The following KCTD18 variants were observed in gnomAD, a reference collection of about 807,000 sequenced individuals.
The protein encoded by KCTD18 is BTB/POZ domain-containing protein KCTD18.
In KCTD18, 22 loss-of-function variants were observed where a neutral mutation model predicts 30.4. The observed-to-expected ratio is 0.72, with a 90% confidence interval of 0.52 to 1.03. The LOEUF is 1.03. Among genes scored for constraint, KCTD18 ranks in the 50% least tolerant of loss-of-function variants. The pLI is 0.00. For missense variants in KCTD18, 529 were observed against 547.6 expected, an observed-to-expected ratio of 0.97 and a Z score of 0.34; for synonymous variants, 186 against 209.0, an observed-to-expected ratio of 0.89 and a Z score of 0.95.
rs2087874070 is a variant in KCTD18 at position 200,489,644 on chromosome 2, T to C, written c.*456A>G. On this transcript the variant is annotated 3_prime_UTR_variant, in exon 7 of 7. Coordinates refer to ENST00000359878, the MANE Select transcript of KCTD18 (RefSeq NM_152387.4). Reference sequence around the variant, plus strand: ...AGGCAGCTCGCCTTGATCTACATTTTCTCTCTCTAATCTCTCTTGGCTGTG... The same window carrying C: ...AGGCAGCTCGCCTTGATCTACATTTCCTCTCTCTAATCTCTCTTGGCTGTG... 1 of 154,306 alleles carries C rather than the reference T, an allele frequency of 6.5e-6. No individual in the cohort carries two copies. Among genetic ancestry groups the C allele is most frequent in the African/African-American group, 2.4e-5 (1 of 41,544 alleles). The allele number at this position is 154,306 out of a possible 1,614,324, so 9.6% of individuals were successfully genotyped here. A position where few individuals can be genotyped will look rare whatever the true frequency, so the allele number is the denominator to read the frequency against.
chr2:200,495,875 G>C (rs578049553), intron 5 of KCTD18: 1 of 150,886 alleles, frequency 6.6e-6, no homozygotes, highest in Non-Finnish European at 1.5e-5. Context: ...TTTTTGTTTT[G>C]TTTTGTGTTT....
At chr2:200,490,705 A>G in intron 6 of KCTD18, 89 bp from the exon 7 acceptor site, 2 of 1,413,166 alleles carry the variant, frequency 1.4e-6, no homozygotes, top group South Asian at 1.4e-5. Context: ...GCATTAACAG[A>G]AAGGTTTTGG....
intron 5 of KCTD18, among the ~76,000 whole-genome samples, chr2:200,495,712 ATT>A (rs879806658): frequency 1.4e-5 from 2 of 147,186 alleles, no homozygotes; most frequent in Non-Finnish European, 1.5e-5. Flanking sequence ...GAACCTTGTA[ATT>A]TTTTTTTTTG....
chr2:200,489,440 C>A lies in KCTD18; in HGVS notation c.*660G>T, dbSNP rs2106273524. 1 of 152,254 alleles carries A rather than the reference C, an allele frequency of 6.6e-6. No individual in the cohort carries two copies. The highest frequency in any genetic ancestry group is 2.1e-4 in the South Asian group (1 of 4,814). 9.4% of individuals were successfully genotyped at this position (152,254 alleles called of 1,614,324 possible). On this transcript the variant is annotated 3_prime_UTR_variant, in exon 7 of 7. Coordinates refer to ENST00000359878, the MANE Select transcript of KCTD18 (RefSeq NM_152387.4). ...TTCAAAGATATTATATAATTCTGAT[C>A]CCAAGAGATCTTCTTGTGGTGTTTA...
rs1476741019 is a variant in KCTD18, at chr2:200,507,089, C to T, written c.-73G>A. ...TTCAAAACAATGATGTCTTGGTCTC[C>T]CTCTGTAAAACAAAGGACAGTCATC... On this transcript the variant is annotated splice_region_variant and 5_prime_UTR_variant, in exon 2 of 7. Transcript: ENST00000359878. 4 of 1,284,008 alleles carry T rather than the reference C, an allele frequency of 3.1e-6. No individual in the cohort carries two copies. The highest frequency in any genetic ancestry group is 4.3e-6 in the Non-Finnish European group (4 of 924,176). The allele number at this position is 1,284,008 out of a possible 1,614,324, so 79.5% of individuals were successfully genotyped here. A position where few individuals can be genotyped will look rare whatever the true frequency, so the allele number is the denominator to read the frequency against.
Position 200,504,920 on chromosome 2 carries a change from T to C in KCTD18, c.200A>G (p.Tyr67Cys), listed in dbSNP as rs149993731. The C allele has an allele frequency of 5.5e-5, 89 of 1,614,144 alleles. No individual in the cohort carries two copies. The highest frequency in any genetic ancestry group is 4.9e-4 in the Middle Eastern group (3 of 6,062). Residue 67 changes from tyrosine to cysteine, a missense_variant, in exon 3 of 7, where the codon TAC becomes TGC. Transcript: ENST00000359878. ...TTCTCCATGAAGGTAATCCAAAAGG[T>C]ATTTAAATAGACGTCCATCACGGTC... ...VIDRDGRLFK[Y>C]LLDYLHGEVQ... is the part of the protein sequence containing the mutation.
chr2:200,490,179 T>G lies in KCTD18; in HGVS notation c.1202A>C (p.Asn401Thr). 1.2e-6 allele frequency: 2 copies of G among 1,613,394 alleles called. No individual in the cohort carries two copies. Among genetic ancestry groups the G allele is most frequent in the Non-Finnish European group, 8.5e-7 (1 of 1,179,394 alleles). The change falls in exon 7 of 7, where the codon AAC becomes ACC. Residue 401 changes from asparagine (N) to threonine (T), a missense_variant. By Grantham distance (65) the Asn-to-Thr change is moderately conservative (BLOSUM62 0). Coordinates refer to ENST00000359878, the MANE Select transcript of KCTD18 (RefSeq NM_152387.4). Reference protein sequence around the residue: ...LPSPTATRQANSLKPLPGEAA... With the variant: ...LPSPTATRQATSLKPLPGEAA... ...TTCGCCGGGAAGCGGCTTGAGGGAG[T>G]TGGCCTGCCTCGTGGCCGTGGGGGA...
At chr2:200,494,758 G>A (rs1307988539) in intron 5 of KCTD18, among the ~76,000 whole-genome samples, 3 of 152,024 alleles carry the variant, frequency 2.0e-5, no homozygotes, top group African/African-American at 7.3e-5. Context: ...AATGAGTTTT[G>A]ACAAATGGAT....
chr2:200,505,121 C>T (rs554016593), intron 2 of KCTD18, among the ~76,000 whole-genome samples, 162 bp from the exon 3 acceptor site: 9 of 152,318 alleles, frequency 5.9e-5, no homozygotes, highest in African/African-American at 1.9e-4. Context: ...CTAAGCTAGA[C>T]TTTTGGTTAT....
chr2:200,490,524 T>G lies in KCTD18; in HGVS notation c.857A>C (p.Gln286Pro), dbSNP rs778520508. The G allele has an allele frequency of 6.2e-7, 1 of 1,605,450 alleles. No homozygotes were observed. Among genetic ancestry groups the G allele is most frequent in the Non-Finnish European group, 8.5e-7 (1 of 1,179,990 alleles). Residue 286 changes from glutamine to proline, a missense_variant, in exon 7 of 7, where the codon CAA becomes CCA. Transcript: ENST00000359878. ...VRFLGPSTSTQIKVKNSASVT... is the reference protein window; with the variant it reads ...VRFLGPSTSTPIKVKNSASVT... ...TGAGGCCGAGTTCTTGACTTTAATTTGGGTACTTGTGGAAGGGCCCAAAAA... is the reference window on the plus strand; with the variant it reads ...TGAGGCCGAGTTCTTGACTTTAATTGGGGTACTTGTGGAAGGGCCCAAAAA...
At chr2:200,494,658 C>T (rs6718287) in intron 5 of KCTD18, among the ~76,000 whole-genome samples, 53,445 of 152,028 alleles carry the variant, frequency 0.35, 10,325 homozygotes, top group East Asian at 0.6. Context: ...TTCCCAAATC[C>T]GGTCCATTAA....
rs1348679253 is a variant in KCTD18 at position 200,509,699 on chromosome 2, G to A, written c.-147C>T. 1 of 152,298 alleles carries A rather than the reference G, an allele frequency of 6.6e-6. No individual in the cohort carries two copies. Among genetic ancestry groups the A allele is most frequent in the Non-Finnish European group, 1.5e-5 (1 of 68,100 alleles). 9.4% of individuals were successfully genotyped at this position (152,298 alleles called of 1,614,324 possible). ...GCCACAGCACACAGTTCCTCAGAAA[G>A]TCTGAGGAGGGGTCGGGATCTGCCC... is the stretch of plus-strand genomic sequence containing the variant. On this transcript the variant is annotated 5_prime_UTR_variant, in exon 1 of 7. Transcript: ENST00000359878.
In KCTD18 at chr2:200,489,751, C is replaced by T. The variant is rs147679751; in HGVS notation, c.*349G>A. 64 of 216,078 alleles carry T rather than the reference C, an allele frequency of 3.0e-4. No homozygotes were observed. Among genetic ancestry groups the T allele is most frequent in the Non-Finnish European group, 3.6e-4 (39 of 109,640 alleles). 13.4% of individuals were successfully genotyped at this position (216,078 alleles called of 1,614,324 possible). On this transcript the variant is annotated 3_prime_UTR_variant, in exon 7 of 7. Coordinates refer to ENST00000359878, the MANE Select transcript of KCTD18 (RefSeq NM_152387.4). ...TAAGGCCAAACCTCATGCCCATCCT[C>T]GGGTTGCAACAAGTAACGTTTACTT... is the stretch of plus-strand genomic sequence containing the variant.
At chr2:200,508,105 T>C (rs1320449293) in intron 1 of KCTD18, among the ~76,000 whole-genome samples, 1 of 152,186 alleles carries the variant, frequency 6.6e-6, no homozygotes, top group Non-Finnish European at 1.5e-5. Flanking sequence ...TTTGTTTGTT[T>C]GCTTGTTTGT....
intron 5 of KCTD18, chr2:200,497,079 T>C (rs1232917093): frequency 6.6e-6 from 1 of 152,266 alleles, no homozygotes; most frequent in Non-Finnish European, 1.5e-5. Context: ...GTTATCATAC[T>C]TTGCACCTAA....
rs1313504951 is a variant in KCTD18, at chr2:200,510,040, G to T, written c.-488C>A. ...GGCCCGCCAGACCCTCGGCGCGGCC[G>T]CCGGACGCCGCGGGGCGGACGCGGA... On this transcript the variant is annotated 5_prime_UTR_variant, in exon 1 of 7. Coordinates refer to ENST00000359878, the MANE Select transcript of KCTD18 (RefSeq NM_152387.4). 1 of 152,104 alleles carries T rather than the reference G, an allele frequency of 6.6e-6. No individual in the cohort carries two copies. The highest frequency in any genetic ancestry group is 1.5e-5 in the Non-Finnish European group (1 of 68,000). The allele number at this position is 152,104 out of a possible 1,614,324, so 9.4% of individuals were successfully genotyped here.
chr2:200,507,379 G>T (rs1420526153), intron 1 of KCTD18, among the ~76,000 whole-genome samples: 1 of 152,184 alleles, frequency 6.6e-6, no homozygotes, highest in African/African-American at 2.4e-5. Flanking sequence ...CAAAGGAGAG[G>T]CCTGCTTATG....
intron 6 of KCTD18, among the ~76,000 whole-genome samples, chr2:200,492,896 C>T (rs549487792): frequency 8.1e-4 from 116 of 142,774 alleles, no homozygotes; most frequent in Middle Eastern, 3.6e-3. Context: ...ATATTTACCA[C>T]AGCATGCCCA....
chr2:200,502,500 G>A (rs1007595979), intron 3 of KCTD18, among the ~76,000 whole-genome samples: 22 of 152,076 alleles, frequency 1.4e-4, no homozygotes, highest in South Asian at 8.3e-4. Context: ...ACTTTTACAC[G>A]GAAAGATACG....
Sources: allele counts gnomAD v4.1 joint callset (sites outside exome capture counted in the v4.1 genomes callset), GRCh38; gene constraint gnomAD v4.1.1; transcripts MANE v1.5; gene names NCBI Gene and HGNC (gene_info 2026-07-23, HGNC 2026-07-21).